The following CDH12 variants were observed in gnomAD, a reference collection of about 807,000 sequenced individuals.
CDH12 encodes cadherin-12.
Under a neutral mutation model 74.1 loss-of-function variants are expected in CDH12, and 41 were observed. The ratio of observed to expected loss-of-function variants is 0.55; its 90% CI spans 0.43 to 0.72. The LOEUF (loss-of-function observed/expected upper bound fraction) is 0.72. Among genes scored for constraint, CDH12 ranks in the 30% least tolerant of loss-of-function variants. CDH12 has a pLI of 0.00. For synonymous variants in CDH12, 399 were observed against 355.0 expected (o/e 1.12, Z -1.39); for missense variants, 945 against 977.2 (o/e 0.97, Z 0.44).
chr5:22,687,338 T>G (rs1266063901), intron 1 of CDH12, among the ~76,000 whole-genome samples: 1 of 152,170 alleles, frequency 6.6e-6, no homozygotes, highest in Non-Finnish European at 1.5e-5. Flanking sequence ...TAAAATAATT[T>G]TATTCTTTAA....
chr5:22,841,916 G>A (rs1737097860), intron 1 of CDH12, among the ~76,000 whole-genome samples: 1 of 152,152 alleles, frequency 6.6e-6, no homozygotes, highest in Non-Finnish European at 1.5e-5. Flanking sequence ...AAAAGAAAGG[G>A]AGATGAAGTG....
At chr5:22,705,116 CAT>C (rs71609776) in intron 1 of CDH12, among the ~76,000 whole-genome samples, 75 of 126,094 alleles carry the variant, frequency 5.9e-4, no homozygotes, top group East Asian at 2.1e-3. Flanking sequence ...CCCACCCAGT[CAT>C]ATATATATAT....
At chr5:22,745,299 T>A (rs535916674) in intron 1 of CDH12, among the ~76,000 whole-genome samples, 20 of 152,240 alleles carry the variant, frequency 1.3e-4, no homozygotes, top group African/African-American at 4.8e-4. Context: ...TAAATTGCAT[T>A]AAAGATCACC....
At chr5:22,460,949 G>C (rs1745487196) in intron 2 of CDH12, among the ~76,000 whole-genome samples, 1 of 148,724 alleles carries the variant, frequency 6.7e-6, no homozygotes, top group Non-Finnish European at 1.5e-5. Flanking sequence ...TCAAATTCCT[G>C]ACCCCAGGTG....
In CDH12 at chr5:21,945,427, C is replaced by CAAAAAAAA. The variant is rs1167475672; in HGVS notation, c.526+29656_526+29663dup. Among the ~76,000 whole-genome samples the CAAAAAAAA allele has an allele frequency of 5.3e-3, 83 of 15,522 alleles. 13 individuals are homozygous for CAAAAAAAA. The highest frequency in any genetic ancestry group is 0.011 in the South Asian group (2 of 174). The allele number at this position is 15,522 out of a possible 152,430, so 10.2% of individuals were successfully genotyped here. On this transcript the variant is annotated intron_variant, in intron 6 of 14. Coordinates refer to ENST00000382254, the MANE Select transcript of CDH12 (RefSeq NM_004061.5). ...GGCAACAGAGTGAGACTGTTTCAGA[C>CAAAAAAAA]AAAAAAAAAAAAAAAAAAAAAAAAA...
Position 22,748,744 on chromosome 5 carries a change from A to G in CDH12, c.-523+104314T>C, listed in dbSNP as rs539446779. ...ATTGTAATGATGTGACGACATTTCC[A>G]TATTAAGTTTATTATGGTAAATGCC... On this transcript the variant is annotated intron_variant, in intron 1 of 14. Coordinates refer to ENST00000382254, the MANE Select transcript of CDH12 (RefSeq NM_004061.5). 4.6e-5 allele frequency among the ~76,000 whole-genome samples: 7 copies of G among 152,328 alleles called. No homozygotes were observed. The East Asian group carries it at 7.7e-4, about 17-fold the overall frequency.
chr5:22,385,884 CTT>C (rs969476085), intron 3 of CDH12, among the ~76,000 whole-genome samples: 5 of 95,406 alleles, frequency 5.2e-5, no homozygotes, highest in African/African-American at 8.0e-5. Flanking sequence ...TGGCTACGCG[CTT>C]TTTTTTTTTT....
intron 4 of CDH12, among the ~76,000 whole-genome samples, chr5:22,101,855 T>C (rs1744155556): frequency 6.6e-6 from 1 of 152,186 alleles, no homozygotes; most frequent in Non-Finnish European, 1.5e-5. Flanking sequence ...GACCAAATTG[T>C]ACACATTTTA....
chr5:21,994,738 G>T (rs1561003441), intron 5 of CDH12, among the ~76,000 whole-genome samples: 1 of 152,110 alleles, frequency 6.6e-6, no homozygotes, highest in African/African-American at 2.4e-5. Context: ...GGTGAGACTT[G>T]GAGAACTTTT....
At chr5:22,472,240 C>T (rs908927351) in intron 2 of CDH12, among the ~76,000 whole-genome samples, 10 of 152,052 alleles carry the variant, frequency 6.6e-5, no homozygotes, top group African/African-American at 2.4e-4. Context: ...AGGTCAAGGC[C>T]TAGTCAAAAA....
intron 1 of CDH12, chr5:22,580,435 A>G: frequency 2.0e-6 from 1 of 511,234 alleles, no homozygotes; most frequent in East Asian, 5.7e-5. Context: ...CCCTCCAAGT[A>G]CTGCCACTTG....
chr5:22,528,008 T>A (rs1737367238), intron 1 of CDH12, among the ~76,000 whole-genome samples: 1 of 152,186 alleles, frequency 6.6e-6, no homozygotes. Flanking sequence ...CCTGGATTTC[T>A]GTCTGTATAA....
intron 5 of CDH12, among the ~76,000 whole-genome samples, chr5:22,063,209 A>G (rs1323135595): frequency 6.6e-6 from 1 of 152,164 alleles, no homozygotes; most frequent in African/African-American, 2.4e-5. Context: ...TTTCTAATAC[A>G]AAACAACATT....
intron 1 of CDH12, among the ~76,000 whole-genome samples, chr5:22,829,444 T>C (rs17294049): frequency 0.054 from 8,170 of 152,216 alleles, 337 homozygotes; most frequent in South Asian, 0.18. Flanking sequence ...CTGAAAGGAT[T>C]TGATGGATTG....
rs548036133 is a variant in CDH12 at position 21,986,024 on chromosome 5, A to G, written c.232-10639T>C. On this transcript the variant is annotated intron_variant, in intron 5 of 14. Transcript: ENST00000382254. ...TTGCTATATGAGCAAGAGGGATACC[A>G]CTTTACAAGGTTAGGAATTCCCTCT... Among the ~76,000 whole-genome samples the G allele has an allele frequency of 1.8e-3, 270 of 152,216 alleles. 1 individual carries two copies. The highest frequency in any genetic ancestry group is 3.0e-3 in the Admixed American group (46 of 15,286).
At chr5:21,852,921 G>GA (rs1291777169) in intron 7 of CDH12, among the ~76,000 whole-genome samples, 1 of 150,928 alleles carries the variant, frequency 6.6e-6, no homozygotes, top group Non-Finnish European at 1.5e-5. Flanking sequence ...AACTATACAA[G>GA]AAAAAAATAA....
At chr5:22,664,152 T>C (rs1740489259) in intron 1 of CDH12, among the ~76,000 whole-genome samples, 1 of 152,224 alleles carries the variant, frequency 6.6e-6, no homozygotes, top group Admixed American at 6.5e-5. Context: ...ATCTCTAACA[T>C]ACACAGCATG....
chr5:22,136,667 A>G lies in CDH12; in HGVS notation c.-186-57805T>C, dbSNP rs369186489. On this transcript the variant is annotated intron_variant, in intron 4 of 14. Coordinates refer to ENST00000382254, the MANE Select transcript of CDH12 (RefSeq NM_004061.5). ...TACCCTGTGATTCTGTTTTATTCAT[A>G]TTAATAGAAGCATGTTTCTACCACT... Among the ~76,000 whole-genome samples the G allele has an allele frequency of 3.2e-3, 477 of 151,064 alleles. 3 individuals are homozygous for G. The highest frequency in any genetic ancestry group is 0.011 in the African/African-American group (444 of 41,064).
intron 6 of CDH12, among the ~76,000 whole-genome samples, chr5:21,950,757 T>TTTTTTTA (rs369699094): frequency 2.2e-5 from 3 of 137,006 alleles, no homozygotes; most frequent in Admixed American, 1.5e-4. Flanking sequence ...TAAATTTTAT[T>TTTTTTTA]TTATTATTAT....
Sources: allele counts gnomAD v4.1 joint callset (sites outside exome capture counted in the v4.1 genomes callset), GRCh38; gene constraint gnomAD v4.1.1; transcripts MANE v1.5; gene names NCBI Gene and HGNC (gene_info 2026-07-23, HGNC 2026-07-21).